The following PYGL variants were observed in gnomAD, a reference collection of about 807,000 sequenced individuals.
PYGL encodes glycogen phosphorylase, liver form.
In PYGL, 90 loss-of-function variants were observed where a neutral mutation model predicts 100.1. That is an observed-to-expected ratio of 0.90 (90% CI 0.76 to 1.07). The LOEUF (loss-of-function observed/expected upper bound fraction) is 1.07, where lower values mean the gene tolerates loss of function less well. Ranked by LOEUF, PYGL falls within the 50% of genes least tolerant of loss-of-function variation. PYGL has a pLI of 0.00. For synonymous variants in PYGL, 373 were observed against 393.0 expected, an observed-to-expected ratio of 0.95 and a Z score of 0.60; for missense variants, 1,016 against 1,057.6, an observed-to-expected ratio of 0.96 and a Z score of 0.55.
rs1325347820 is a variant in PYGL at position 50,921,071 on chromosome 14, T to G, written c.661-4A>C. On this transcript the variant is annotated splice_region_variant and splice_polypyrimidine_tract_variant and intron_variant, in intron 5 of 19. Transcript: ENST00000216392. Reference sequence around the variant, plus strand: ...CATATGGCAGAGCCAGGACCACCTGTGGGATTAAACAGAAGCAGCTGCTCA... The same window carrying G: ...CATATGGCAGAGCCAGGACCACCTGGGGGATTAAACAGAAGCAGCTGCTCA... The G allele has an allele frequency of 1.2e-6, 2 of 1,606,578 alleles. No individual in the cohort carries two copies. Among genetic ancestry groups the G allele is most frequent in the Non-Finnish European group, 1.7e-6 (2 of 1,173,236 alleles).
At chr14:50,922,328 T>C (rs1400083859) in intron 5 of PYGL, among the ~76,000 whole-genome samples, 1 of 152,170 alleles carries the variant, frequency 6.6e-6, no homozygotes, top group East Asian at 1.9e-4. Context: ...GAATGAAGCA[T>C]TATGGCCCAT....
chr14:50,937,605 T>C, intron 2 of PYGL, 131 bp downstream of exon 2: 4 of 838,130 alleles, frequency 4.8e-6, no homozygotes, highest in Non-Finnish European at 8.0e-6. Flanking sequence ...TAAAAGTTTG[T>C]AATAGCCACA....
intron 19 of PYGL, among the ~76,000 whole-genome samples, chr14:50,906,661 G>A (rs1358969829): frequency 6.6e-6 from 1 of 152,176 alleles, no homozygotes; most frequent in Non-Finnish European, 1.5e-5. Flanking sequence ...TCTTTCCTGT[G>A]CTGTTTTATT....
At chr14:50,918,215 AC>A (rs144457699) in intron 7 of PYGL, among the ~76,000 whole-genome samples, 24,733 of 152,158 alleles carry the variant, frequency 0.16, 2,689 homozygotes, top group East Asian at 0.44. Context: ...AAAAGGGAAC[AC>A]TTTTTACACT....
intron 1 of PYGL, among the ~76,000 whole-genome samples, chr14:50,938,780 T>TC (rs1046960403): frequency 5.9e-5 from 9 of 152,176 alleles, no homozygotes; most frequent in African/African-American, 1.9e-4. Context: ...TTGTGTTTTT[T>TC]CCCTCTCCTG....
At chr14:50,939,985 C>T (rs1468606972) in intron 1 of PYGL, among the ~76,000 whole-genome samples, 1 of 152,164 alleles carries the variant, frequency 6.6e-6, no homozygotes, top group East Asian at 1.9e-4. Context: ...CCTAACGGGC[C>T]ACCTAACACT....
chr14:50,944,445 G>A lies in PYGL; in HGVS notation c.-42C>T. ...TGCGCGGCGGGCTGCGCAGAGAGCTGGAAGTGCGGCCGGAGGCGCTGGGCT... is the reference window on the plus strand; with the variant it reads ...TGCGCGGCGGGCTGCGCAGAGAGCTAGAAGTGCGGCCGGAGGCGCTGGGCT... On this transcript the variant is annotated 5_prime_UTR_variant, in exon 1 of 20. Coordinates refer to ENST00000216392, the MANE Select transcript of PYGL (RefSeq NM_002863.5). 6.4e-7 allele frequency: 1 copy of A among 1,562,172 alleles called. No homozygotes were observed. Among genetic ancestry groups the A allele is most frequent in the Non-Finnish European group, 8.6e-7 (1 of 1,157,076 alleles).
Position 50,913,019 on chromosome 14 carries a change from G to C in PYGL, c.1620+10C>G, listed in dbSNP as rs367866027. 72 of 1,613,568 alleles carry C rather than the reference G, an allele frequency of 4.5e-5. No homozygotes were observed. The African/African-American group carries it at 8.4e-4, about 19-fold the overall frequency. On this transcript the variant is annotated intron_variant, in intron 13 of 19. Transcript: ENST00000216392. ...GTGCCCAGGAGGGGACCCACACCTG[G>C]AAGGCTCACCTGCTTCACCTTGGCG...
chr14:50,929,769 A>G (rs1285265959), intron 4 of PYGL, among the ~76,000 whole-genome samples: 1 of 152,228 alleles, frequency 6.6e-6, no homozygotes, highest in Non-Finnish European at 1.5e-5. Context: ...GGCTCTCAAC[A>G]TGGAACTCTA....
chr14:50,908,929 G>A lies in PYGL; in HGVS notation c.2204C>T (p.Ala735Val), dbSNP rs767910015. The change falls in exon 18 of 20, where the codon GCA becomes GTA. Residue 735 changes from alanine (A) to valine (V), a missense_variant. Coordinates refer to ENST00000216392, the MANE Select transcript of PYGL (RefSeq NM_002863.5). ...KGYEAKEYYE[A>V]LPELKLVIDQ... is the part of the protein sequence containing the mutation. ...AATGACCAGCTTCAGCTCTGGAAGT[G>A]CCTCATAGTATTCTTTTGCCTCGTA... is the stretch of plus-strand genomic sequence containing the variant. 29 of 1,584,794 alleles carry A rather than the reference G, an allele frequency of 1.8e-5. No individual in the cohort carries two copies. The highest frequency in any genetic ancestry group is 2.3e-5 in the Non-Finnish European group (27 of 1,158,566).
intron 17 of PYGL, 86 bp downstream of exon 17, chr14:50,909,809 C>T (rs1399805825): frequency 1.0e-5 from 15 of 1,437,808 alleles, no homozygotes; most frequent in Admixed American, 1.7e-5. Flanking sequence ...AGTGGGATAT[C>T]GGTGTGGGCA....
At chr14:50,940,154 A>G (rs1204602311) in intron 1 of PYGL, among the ~76,000 whole-genome samples, 2 of 152,236 alleles carry the variant, frequency 1.3e-5, no homozygotes, top group East Asian at 3.8e-4. Flanking sequence ...CTAGTACGTG[A>G]TGACCGCTGT....
At chr14:50,917,442 C>T (rs1249320998) in intron 7 of PYGL, among the ~76,000 whole-genome samples, 1 of 152,184 alleles carries the variant, frequency 6.6e-6, no homozygotes, top group East Asian at 1.9e-4. Flanking sequence ...GGGGAAAAGC[C>T]AAAAAGCAAC....
chr14:50,938,067 T>C (rs1475751091), intron 1 of PYGL, among the ~76,000 whole-genome samples: 1 of 152,190 alleles, frequency 6.6e-6, no homozygotes, highest in Admixed American at 6.5e-5. Context: ...CTCAGAACGT[T>C]TGGCATTCTA....
chr14:50,915,172 T>C lies in PYGL; in HGVS notation c.1403+164A>G, dbSNP rs550560945. The C allele has an allele frequency of 3.1e-4, 294 of 935,548 alleles. No homozygotes were observed. In the African/African-American group the frequency reaches 3.4e-3, roughly 11 times the overall value. 58.0% of individuals were successfully genotyped at this position (935,548 alleles called of 1,614,324 possible). On this transcript the variant is annotated intron_variant, in intron 11 of 19. Transcript: ENST00000216392. ...AGGAAAGCATTCTTTTCTTTCCTTT[T>C]CTTTTCTTTTTTTTTTTTAGGCAAG...
In PYGL at chr14:50,905,510, G is replaced by A. The variant is rs760187622; in HGVS notation, c.2426C>T (p.Ser809Leu). 6.3e-5 allele frequency: 102 copies of A among 1,613,838 alleles called. No homozygotes were observed. The highest frequency in any genetic ancestry group is 1.3e-4 in the East Asian group (6 of 44,872). The change falls in exon 20 of 20, where the codon TCG becomes TTG. Residue 809 changes from serine to leucine, a missense_variant. Ser to Leu is a moderately radical substitution (Grantham distance 145). Coordinates refer to ENST00000216392, the MANE Select transcript of PYGL (RefSeq NM_002863.5). The stretch of plus-strand genomic sequence containing the variant: ...TGTTCGGTCACTGGAGAATTTCCCC[G>A]AGGCAGCTATGTTTTTGAGTACCAT... ...NTMVLKNIAA[S>L]GKFSSDRTIK...
chr14:50,912,332 T>C (rs756395111), intron 13 of PYGL, 29 bp from the exon 14 acceptor site: 2 of 1,611,064 alleles, frequency 1.2e-6, no homozygotes, highest in Non-Finnish European at 1.7e-6. Flanking sequence ...GTGCCAGAGC[T>C]CTTTTGGCCT....
intron 7 of PYGL, among the ~76,000 whole-genome samples, chr14:50,919,018 T>C (rs1277408669): frequency 6.6e-6 from 1 of 152,030 alleles, no homozygotes; most frequent in Non-Finnish European, 1.5e-5. Context: ...AAAGGATTTT[T>C]CAGCTTACTC....
rs1387660480 is a variant in PYGL, at chr14:50,917,065, A to G, written c.896T>C (p.Phe299Ser). 2 of 1,613,928 alleles carry G rather than the reference A, an allele frequency of 1.2e-6. No homozygotes were observed. The highest frequency in any genetic ancestry group is 1.7e-5 in the Admixed American group (1 of 60,026). ...ATCTTGCAAGGTTGCAGCCACCACA[A>G]AGTATTCCTGCTTCAATCTTAGCTC... ...GKELRLKQEYFVVAATLQDII... is the reference protein window; with the variant it reads ...GKELRLKQEYSVVAATLQDII... Residue 299 changes from phenylalanine to serine, a missense_variant, in exon 8 of 20, where the codon TTT becomes TCT. Coordinates refer to ENST00000216392, the MANE Select transcript of PYGL (RefSeq NM_002863.5).
Sources: gnomAD v4.1 joint callset for allele counts (sites outside exome capture counted in the v4.1 genomes callset) on GRCh38, gnomAD v4.1.1 for gene constraint, MANE v1.5 for transcripts, NCBI Gene and HGNC (gene_info 2026-07-23, HGNC 2026-07-21) for gene names.